The following CCDC102B variants were observed in gnomAD, a reference collection of about 807,000 sequenced individuals.
CCDC102B encodes coiled-coil domain-containing protein 102B.
CCDC102B carries 75 observed loss-of-function variants against 57.4 expected under a neutral mutation model. The ratio of observed to expected loss-of-function variants is 1.31; its 90% CI spans 1.08 to 1.58. CCDC102B has a LOEUF of 1.58. Among genes scored for constraint, CCDC102B ranks in the 40% most tolerant of loss-of-function variants. The probability of loss-of-function intolerance (pLI) is 0.00; values close to 1 mark genes in which losing one functional copy is unlikely to be tolerated. For missense variants in CCDC102B, 636 were observed against 582.6 expected (o/e 1.09, Z -0.94); for synonymous variants, 206 against 201.9 (o/e 1.02, Z -0.17).
rs1599896879 is a variant in CCDC102B, at chr18:69,046,469, G to A, written c.1435-7561G>A. 1.3e-5 allele frequency among the ~76,000 whole-genome samples: 2 copies of A among 152,146 alleles called. 1 individual carries two copies. The highest frequency in any genetic ancestry group is 6.8e-3 in the Middle Eastern group (2 of 294). On this transcript the variant is annotated intron_variant, in intron 7 of 7. Coordinates refer to ENST00000360242, the MANE Select transcript of CCDC102B (RefSeq NM_024781.3). Reference sequence around the variant, plus strand: ...TGTTTTCCTTTTGTAAATTTTTTAAGGTTCTTAAGCATTCTGGATATTAGA... The same window carrying A: ...TGTTTTCCTTTTGTAAATTTTTTAAAGTTCTTAAGCATTCTGGATATTAGA...
At chr18:68,785,753 G>A (rs1217510644) in intron 2 of CCDC102B, among the ~76,000 whole-genome samples, 26 of 150,046 alleles carry the variant, frequency 1.7e-4, no homozygotes, top group African/African-American at 3.4e-4. Flanking sequence ...AGTAGGTTGC[G>A]AAAATTTTCT....
chr18:68,917,171 AT>A (rs34197258), intron 6 of CCDC102B, among the ~76,000 whole-genome samples: 22,952 of 149,982 alleles, frequency 0.15, 2,172 homozygotes, highest in African/African-American at 0.27. Context: ...GAAAACCAGC[AT>A]TTTTTTTTTC....
At chr18:68,973,408 T>G (rs774785721) in intron 6 of CCDC102B, among the ~76,000 whole-genome samples, 2 of 152,114 alleles carry the variant, frequency 1.3e-5, no homozygotes, top group Non-Finnish European at 1.5e-5. Context: ...GTACCTAGCT[T>G]ACTGAGTTTA....
intron 2 of CCDC102B, among the ~76,000 whole-genome samples, chr18:68,759,391 C>T (rs900163787): frequency 5.9e-5 from 9 of 151,934 alleles, no homozygotes; most frequent in Non-Finnish European, 1.3e-4. Flanking sequence ...GACATAAATA[C>T]GTAGCAAGAC....
chr18:68,952,592 T>A (rs1285880869), intron 6 of CCDC102B, among the ~76,000 whole-genome samples: 1 of 152,046 alleles, frequency 6.6e-6, no homozygotes, highest in East Asian at 1.9e-4. Context: ...TGAAGAAAAG[T>A]CAAAATTTAA....
chr18:68,838,997 G>T (rs911353230), intron 3 of CCDC102B, 71 bp downstream of exon 3: 1 of 1,213,038 alleles, frequency 8.2e-7, no homozygotes, highest in Non-Finnish European at 1.2e-6. Context: ...AATACAGATA[G>T]ATTGGTCATT....
chr18:68,961,847 C>T lies in CCDC102B; in HGVS notation c.1264-49087C>T, dbSNP rs140637768. 4.3e-3 allele frequency among the ~76,000 whole-genome samples: 660 copies of T among 152,136 alleles called. 3 individuals carry two copies. The highest frequency in any genetic ancestry group is 0.014 in the African/African-American group (597 of 41,548). On this transcript the variant is annotated intron_variant, in intron 6 of 7. Coordinates refer to ENST00000360242, the MANE Select transcript of CCDC102B (RefSeq NM_024781.3). Reference sequence around the variant, plus strand: ...TTAAATACCAACTAACATAGCAGTTCGTGGATTTTAATAGAAATCTACCTG... The same window carrying T: ...TTAAATACCAACTAACATAGCAGTTTGTGGATTTTAATAGAAATCTACCTG...
chr18:68,842,358 C>T (rs1259883946), intron 3 of CCDC102B, among the ~76,000 whole-genome samples: 1 of 151,994 alleles, frequency 6.6e-6, no homozygotes, highest in Non-Finnish European at 1.5e-5. Flanking sequence ...AACTGTCACT[C>T]ATGGAATATT....
chr18:68,786,971 A>C (rs559448547), intron 2 of CCDC102B, among the ~76,000 whole-genome samples: 1 of 152,196 alleles, frequency 6.6e-6, no homozygotes, highest in Non-Finnish European at 1.5e-5. Flanking sequence ...GGTTTGTCAT[A>C]GATGGCTCTT....
rs138199828 is a variant in CCDC102B, at chr18:68,772,396, GA to G, written c.-66-50969del. Among the ~76,000 whole-genome samples the G allele has an allele frequency of 1.8e-3, 277 of 152,248 alleles. 3 individuals carry two copies. The East Asian group carries it at 0.043, about 24-fold the overall frequency. On this transcript the variant is annotated intron_variant, in intron 2 of 3. Coordinates refer to the CCDC102B transcript ENST00000578970. ...CAGCAACATATTTTTGGAACTTGTAGAGTACAAATTATCTGCAGCTGTGAAT... is the reference window on the plus strand; with the variant it reads ...CAGCAACATATTTTTGGAACTTGTAGGTACAAATTATCTGCAGCTGTGAAT...
At chr18:68,938,069 T>C (rs1450658940) in intron 6 of CCDC102B, among the ~76,000 whole-genome samples, 1 of 151,958 alleles carries the variant, frequency 6.6e-6, no homozygotes, top group Non-Finnish European at 1.5e-5. Context: ...AATAAACATG[T>C]GATTTCAATA....
intron 1 of CCDC102B, among the ~76,000 whole-genome samples, chr18:68,801,006 C>A (rs117061009): frequency 3.3e-5 from 5 of 151,502 alleles, no homozygotes; most frequent in African/African-American, 1.2e-4. Context: ...TTCATAACAA[C>A]GAGGTTTTTT....
chr18:68,987,429 A>G (rs1345037326), intron 6 of CCDC102B, among the ~76,000 whole-genome samples: 1 of 152,200 alleles, frequency 6.6e-6, no homozygotes, highest in Non-Finnish European at 1.5e-5. Context: ...AGACATTTAA[A>G]TGTAAGACCC....
At chr18:69,039,384 A>G (rs187080409) in intron 7 of CCDC102B, among the ~76,000 whole-genome samples, 79 of 151,996 alleles carry the variant, frequency 5.2e-4, no homozygotes, top group Middle Eastern at 6.8e-3. Context: ...TATTGTTGTA[A>G]TTATTTCACT....
Position 68,840,211 on chromosome 18 carries a change from A to G in CCDC102B, c.827+1285A>G, listed in dbSNP as rs2037568172. ...AGTTATAAAAATCTTAATAGGCAGA[A>G]CCAGAAAAGCAAGAAGGATATGTAT... is the stretch of plus-strand genomic sequence containing the variant. On this transcript the variant is annotated intron_variant, in intron 3 of 7. Coordinates refer to ENST00000360242, the MANE Select transcript of CCDC102B (RefSeq NM_024781.3). Among the ~76,000 whole-genome samples the G allele has an allele frequency of 2.6e-5, 4 of 152,190 alleles. No homozygotes were observed. The South Asian group carries it at 8.3e-4, about 32-fold the overall frequency.
intron 5 of CCDC102B, among the ~76,000 whole-genome samples, chr18:68,888,020 A>G (rs1305694675): frequency 6.6e-6 from 1 of 152,220 alleles, no homozygotes; most frequent in South Asian, 2.1e-4. Flanking sequence ...ATGATCACAC[A>G]TTAAGACAGG....
intron 2 of CCDC102B, among the ~76,000 whole-genome samples, chr18:68,745,950 T>TGG (rs548286409): frequency 6.6e-6 from 1 of 152,116 alleles, no homozygotes; most frequent in Non-Finnish European, 1.5e-5. Flanking sequence ...CAGGTGGGGA[T>TGG]GGGGGGTACC....
chr18:68,779,686 T>C (rs1199729972), intron 2 of CCDC102B, among the ~76,000 whole-genome samples: 1 of 151,910 alleles, frequency 6.6e-6, no homozygotes, highest in Non-Finnish European at 1.5e-5. Context: ...AATCATGCAG[T>C]GAGGAAAGGA....
At chr18:68,802,723 C>G (rs563593313) in intron 1 of CCDC102B, among the ~76,000 whole-genome samples, 56 of 152,242 alleles carry the variant, frequency 3.7e-4, no homozygotes, top group Admixed American at 1.4e-3. Context: ...TATTATTGAG[C>G]AGGATGTTTA....
Sources: gnomAD v4.1 joint callset for allele counts (sites outside exome capture counted in the v4.1 genomes callset) on GRCh38, gnomAD v4.1.1 for gene constraint, MANE v1.5 for transcripts, NCBI Gene and HGNC (gene_info 2026-07-23, HGNC 2026-07-21) for gene names.